Variants in FAM13C observed in about 807,000 individuals in gnomAD.
The protein encoded by FAM13C is protein FAM13C.
A neutral mutation model predicts 73.2 loss-of-function variants in FAM13C; 37 were observed. The observed-to-expected ratio is 0.51, with a 90% confidence interval of 0.39 to 0.67. FAM13C has a LOEUF of 0.67. Ranked by LOEUF, FAM13C falls within the 30% of genes least tolerant of loss-of-function variation. The pLI is 0.00. For missense variants in FAM13C, 589 were observed against 715.6 expected (o/e 0.82, Z 2.02); for synonymous variants, 246 against 260.9 (o/e 0.94, Z 0.55).
chr10:59,317,860 C>T (rs1162942191), intron 4 of FAM13C, among the ~76,000 whole-genome samples: 9 of 151,832 alleles, frequency 5.9e-5, no homozygotes, highest in Admixed American at 5.3e-4. Context: ...CGTCATTTAG[C>T]GTTAGGTATA....
At chr10:59,348,852 T>G (rs909619698) in intron 3 of FAM13C, among the ~76,000 whole-genome samples, 3 of 152,156 alleles carry the variant, frequency 2.0e-5, no homozygotes, top group Admixed American at 2.0e-4. Flanking sequence ...GCCAGGCTGG[T>G]CTCGAACTCC....
intron 1 of FAM13C, among the ~76,000 whole-genome samples, chr10:59,362,022 T>A (rs1856481224): frequency 6.6e-6 from 1 of 152,160 alleles, no homozygotes; most frequent in African/African-American, 2.4e-5. Flanking sequence ...ACATCTATCT[T>A]CTATTGCTGT....
At chr10:59,298,601 T>C (rs1284442777) in intron 5 of FAM13C, among the ~76,000 whole-genome samples, 1 of 152,130 alleles carries the variant, frequency 6.6e-6, no homozygotes, top group Non-Finnish European at 1.5e-5. Context: ...GATCCCCAGT[T>C]GATCACAATT....
At chr10:59,316,583 C>T (rs975528963) in intron 4 of FAM13C, among the ~76,000 whole-genome samples, 1 of 152,076 alleles carries the variant, frequency 6.6e-6, no homozygotes, top group Non-Finnish European at 1.5e-5. Context: ...GATGGTATAG[C>T]CCACTACACA....
At position 59,352,456 on chromosome 10, in the gene FAM13C, C is replaced by T; in HGVS notation, c.138G>A (p.Glu46=). 1.2e-6 allele frequency: 2 copies of T among 1,609,930 alleles called. No individual in the cohort carries two copies. The stretch of plus-strand genomic sequence containing the variant: ...CCAGAGCCCCTGCGTCGGGGTAGTT[C>T]TCTTTATTGTTTTCATCTCTAAAAC... ...CSSLRDENNK[E]NYPDAGALVE... The change falls in exon 3 of 14, where the codon GAG becomes GAA. Residue 46 remains glutamate (E), a synonymous_variant. Coordinates refer to ENST00000618804, the MANE Select transcript of FAM13C (RefSeq NM_198215.4).
In FAM13C at chr10:59,348,012, G is replaced by C. The variant is rs558876974; in HGVS notation, c.324+4258C>G. 5.3e-5 allele frequency among the ~76,000 whole-genome samples: 8 copies of C among 152,226 alleles called. No individual in the cohort carries two copies. The East Asian group carries it at 1.5e-3, about 29-fold the overall frequency. On this transcript the variant is annotated intron_variant, in intron 3 of 13. Coordinates refer to ENST00000618804, the MANE Select transcript of FAM13C (RefSeq NM_198215.4). ...TACGTGTGCATGTGTCTTTACAGTA[G>C]GATTATTTACACCTTTGTTTTTAAC...
intron 7 of FAM13C, 55 bp from the exon 8 acceptor site, chr10:59,268,746 A>C: frequency 6.4e-7 from 1 of 1,570,122 alleles, no homozygotes; most frequent in Admixed American, 1.9e-5. Context: ...TCCAGTAAAC[A>C]GTTCTGTTGA....
intron 7 of FAM13C, 122 bp downstream of exon 7, chr10:59,269,777 A>T: frequency 8.7e-7 from 1 of 1,147,592 alleles, no homozygotes; most frequent in Non-Finnish European, 1.2e-6. Flanking sequence ...TTATTGTTCC[A>T]GTCTCGCAGT....
intron 5 of FAM13C, among the ~76,000 whole-genome samples, chr10:59,284,282 A>G (rs1374732724): frequency 6.6e-6 from 1 of 152,084 alleles, no homozygotes; most frequent in African/African-American, 2.4e-5. Flanking sequence ...GCCATGATGC[A>G]GATGCCAGCA....
At chr10:59,332,276 T>C (rs935530518) in intron 3 of FAM13C, among the ~76,000 whole-genome samples, 3 of 152,130 alleles carry the variant, frequency 2.0e-5, no homozygotes, top group Non-Finnish European at 4.4e-5. Context: ...TGTGCAGTTA[T>C]GGTTTTTTTA....
intron 3 of FAM13C, among the ~76,000 whole-genome samples, chr10:59,334,230 A>G (rs1294929156): frequency 6.6e-6 from 1 of 152,220 alleles, no homozygotes; most frequent in African/African-American, 2.4e-5. Context: ...ATGGAATATT[A>G]TGTATGGTGC....
At chr10:59,271,007 G>A (rs182196857) in intron 6 of FAM13C, among the ~76,000 whole-genome samples, 59 of 152,250 alleles carry the variant, frequency 3.9e-4, no homozygotes, top group African/African-American at 1.4e-3. Context: ...AAGGGCAGGC[G>A]ACTGAGGCAC....
intron 5 of FAM13C, among the ~76,000 whole-genome samples, chr10:59,298,560 A>G (rs1383335703): frequency 6.6e-6 from 1 of 152,214 alleles, no homozygotes; most frequent in African/African-American, 2.4e-5. Context: ...GGTGACCCAG[A>G]GCTTCAGTCT....
intron 3 of FAM13C, among the ~76,000 whole-genome samples, chr10:59,346,825 T>C (rs1040578640): frequency 2.6e-5 from 4 of 152,202 alleles, no homozygotes; most frequent in Non-Finnish European, 4.4e-5. Context: ...TTACAACATA[T>C]AATCTGTGCC....
intron 4 of FAM13C, among the ~76,000 whole-genome samples, chr10:59,317,052 T>G (rs992380853): frequency 2.0e-5 from 3 of 152,032 alleles, no homozygotes; most frequent in African/African-American, 7.2e-5. Flanking sequence ...TAACCTAGCA[T>G]TAATAATATA....
intron 4 of FAM13C, among the ~76,000 whole-genome samples, chr10:59,316,269 C>T (rs984284702): frequency 6.6e-6 from 1 of 152,134 alleles, no homozygotes; most frequent in African/African-American, 2.4e-5. Context: ...AGTTTCATTA[C>T]AGTTAGCTAC....
chr10:59,307,012 T>A (rs1848334153), intron 4 of FAM13C, among the ~76,000 whole-genome samples: 1 of 151,818 alleles, frequency 6.6e-6, no homozygotes, highest in Non-Finnish European at 1.5e-5. Context: ...GATGCGGTAA[T>A]CAAAATTATT....
chr10:59,276,648 A>G (rs905425582), intron 6 of FAM13C, among the ~76,000 whole-genome samples: 1 of 152,208 alleles, frequency 6.6e-6, no homozygotes, highest in Non-Finnish European at 1.5e-5. Context: ...TTGAATTAAT[A>G]TTTTAAGAAA....
intron 3 of FAM13C, among the ~76,000 whole-genome samples, chr10:59,345,213 C>A (rs757839954): frequency 3.3e-5 from 5 of 152,168 alleles, no homozygotes; most frequent in Non-Finnish European, 5.9e-5. Context: ...CCAACACCAT[C>A]GATACGCTTG....
Sources: allele counts gnomAD v4.1 joint callset (sites outside exome capture counted in the v4.1 genomes callset), GRCh38; gene constraint gnomAD v4.1.1; transcripts MANE v1.5; gene names NCBI Gene and HGNC (gene_info 2026-07-23, HGNC 2026-07-21).